Variants in SCN8A observed in about 807,000 individuals in gnomAD.
The protein encoded by SCN8A is sodium channel protein type 8 subunit alpha.
A neutral mutation model predicts 184.1 loss-of-function variants in SCN8A; 30 were observed. The ratio of observed to expected loss-of-function variants is 0.16; its 90% CI spans 0.12 to 0.22. The LOEUF is 0.22. Ranked by LOEUF, SCN8A falls within the 10% of genes least tolerant of loss-of-function variation. The pLI, the probability that SCN8A is intolerant of heterozygous loss-of-function variation, is 1.00. For missense variants in SCN8A, 1,057 were observed against 2,498.9 expected (o/e 0.42, Z 12.30); for synonymous variants, 852 against 907.0 (o/e 0.94, Z 1.09).
intron 1 of SCN8A, among the ~76,000 whole-genome samples, chr12:51,646,460 C>A (rs1202220574): frequency 6.6e-6 from 1 of 152,110 alleles, no homozygotes; most frequent in Non-Finnish European, 1.5e-5. Context: ...ATGGATGGTG[C>A]CAATGACAGT....
At chr12:51,799,047 C>A (rs1197402014) in intron 26 of SCN8A, among the ~76,000 whole-genome samples, 1 of 152,232 alleles carries the variant, frequency 6.6e-6, no homozygotes, top group Non-Finnish European at 1.5e-5. Flanking sequence ...GGCTATAGTG[C>A]TGCAGCTGTC....
intron 1 of SCN8A, among the ~76,000 whole-genome samples, chr12:51,635,148 G>A (rs184597781): frequency 7.2e-5 from 11 of 152,262 alleles, no homozygotes; most frequent in Admixed American, 3.9e-4. Flanking sequence ...GTTATTTTCC[G>A]TTTATCTTAT....
In SCN8A at chr12:51,808,288, A is replaced by AC. The variant is rs1264681663; in HGVS notation, c.*861dup. 2 of 152,644 alleles carry AC rather than the reference A, an allele frequency of 1.3e-5. No homozygotes were observed. Among genetic ancestry groups the AC allele is most frequent in the African/African-American group, 4.8e-5 (2 of 41,436 alleles). 9.5% of individuals were successfully genotyped at this position (152,644 alleles called of 1,614,324 possible). On this transcript the variant is annotated 3_prime_UTR_variant, in exon 27 of 27. Coordinates refer to ENST00000627620, the MANE Select transcript of SCN8A (RefSeq NM_001330260.2). ...CATACACCTTCTGGGTAGGGAAACA[A>AC]CCAACTAATTGACTAACACCACCAA...
chr12:51,704,039 T>G (rs1419297602), intron 9 of SCN8A, among the ~76,000 whole-genome samples: 1 of 151,940 alleles, frequency 6.6e-6, no homozygotes, highest in Non-Finnish European at 1.5e-5. Flanking sequence ...ATTACAGGCA[T>G]GACGCACGCA....
At chr12:51,638,511 G>A (rs962843007) in intron 1 of SCN8A, among the ~76,000 whole-genome samples, 3 of 148,620 alleles carry the variant, frequency 2.0e-5, no homozygotes, top group South Asian at 2.1e-4. Flanking sequence ...TTTTTGAGAC[G>A]GAGTCTCGCT....
At chr12:51,773,804 A>T (rs1453241082) in intron 19 of SCN8A, among the ~76,000 whole-genome samples, 1 of 152,108 alleles carries the variant, frequency 6.6e-6, no homozygotes, top group African/African-American at 2.4e-5. Flanking sequence ...ACTATTACTC[A>T]GCCGTAAGAA....
rs1429118069 is a variant in SCN8A at position 51,769,032 on chromosome 12, T to C, written c.3069T>C (p.Phe1023=). Residue 1023 remains phenylalanine, a synonymous_variant, in exon 17 of 27, where the codon TTT becomes TTC. Coordinates refer to ENST00000627620, the MANE Select transcript of SCN8A (RefSeq NM_001330260.2). ...TGCACGCCTTCATGCAGGCCCACTT[T>C]AAGCAGCGTGAGGCTGATGAGGTGA... ...LKVHAFMQAH[F]KQREADEVKP... 2 of 1,613,918 alleles carry C rather than the reference T, an allele frequency of 1.2e-6. No individual in the cohort carries two copies. Among genetic ancestry groups the C allele is most frequent in the African/African-American group, 2.7e-5 (2 of 74,942 alleles).
chr12:51,694,475 A>G (rs1170070014), intron 6 of SCN8A, among the ~76,000 whole-genome samples: 4 of 152,184 alleles, frequency 2.6e-5, no homozygotes, highest in Non-Finnish European at 1.5e-5. Context: ...CGTTCTCTAC[A>G]TTGAATCCAG....
At chr12:51,712,717 C>T (rs2138762752) in intron 11 of SCN8A, 1 of 1,030,046 alleles carries the variant, frequency 9.7e-7, no homozygotes, top group Non-Finnish European at 1.5e-6. Context: ...ACCTTGGTTT[C>T]CATATCCTGG....
chr12:51,663,259 G>T (rs142385478), intron 2 of SCN8A, among the ~76,000 whole-genome samples, 166 bp downstream of exon 2: 90 of 152,216 alleles, frequency 5.9e-4, no homozygotes, highest in African/African-American at 2.0e-3. Context: ...GCTACTAAGG[G>T]TCATTTGTGG....
intron 1 of SCN8A, among the ~76,000 whole-genome samples, chr12:51,601,726 CTT>C (rs60071042): frequency 0.067 from 10,156 of 152,138 alleles, 1,123 homozygotes; most frequent in African/African-American, 0.23. Context: ...TCACCTCGCA[CTT>C]CTCCACAGGC....
intron 14 of SCN8A, among the ~76,000 whole-genome samples, chr12:51,758,709 A>T (rs903786880): frequency 9.2e-5 from 14 of 152,304 alleles, no homozygotes; most frequent in African/African-American, 3.4e-4. Flanking sequence ...AAGTGCTGGG[A>T]TTATAGGCGT....
chr12:51,743,430 A>G (rs1942458329), intron 12 of SCN8A, among the ~76,000 whole-genome samples: 1 of 152,178 alleles, frequency 6.6e-6, no homozygotes, highest in Non-Finnish European at 1.5e-5. Context: ...GATTCATAGA[A>G]ATACCACCTT....
chr12:51,702,580 G>A (rs1941709299), intron 8 of SCN8A, among the ~76,000 whole-genome samples, 193 bp from the exon 9 acceptor site: 1 of 152,138 alleles, frequency 6.6e-6, no homozygotes, highest in African/African-American at 2.4e-5. Flanking sequence ...TCTGACCCTA[G>A]GCTGTCCCCA....
At chr12:51,784,188 TA>T (rs373229539) in intron 21 of SCN8A, among the ~76,000 whole-genome samples, 193 of 152,346 alleles carry the variant, frequency 1.3e-3, no homozygotes, top group African/African-American at 4.3e-3. Context: ...GGAGCACAGT[TA>T]AATAGTTTCT....
intron 12 of SCN8A, among the ~76,000 whole-genome samples, chr12:51,730,497 T>C (rs907500698): frequency 2.6e-5 from 4 of 152,342 alleles, no homozygotes; most frequent in Non-Finnish European, 5.9e-5. Context: ...GATTATTAAA[T>C]AGCATCTCTA....
chr12:51,702,321 C>CAAA (rs747855764), intron 8 of SCN8A, among the ~76,000 whole-genome samples: 27 of 76,476 alleles, frequency 3.5e-4, no homozygotes, highest in African/African-American at 6.2e-4. Flanking sequence ...GACTCTGTAT[C>CAAA]AAAAAAAAAA....
chr12:51,668,201 TTATA>T (rs1941070148), intron 2 of SCN8A, among the ~76,000 whole-genome samples: 1 of 138,824 alleles, frequency 7.2e-6, no homozygotes, highest in Non-Finnish European at 1.6e-5. Flanking sequence ...AAAAAAAAAA[TTATA>T]TATAGCTTCC....
chr12:51,783,459 A>G (rs1305182706), intron 21 of SCN8A, among the ~76,000 whole-genome samples: 1 of 152,186 alleles, frequency 6.6e-6, no homozygotes, highest in African/African-American at 2.4e-5. Flanking sequence ...ACAGACTCAG[A>G]GCTTCGCTTG....
Sources: gnomAD v4.1 joint callset for allele counts (sites outside exome capture counted in the v4.1 genomes callset) on GRCh38, gnomAD v4.1.1 for gene constraint, MANE v1.5 for transcripts, NCBI Gene and HGNC (gene_info 2026-07-23, HGNC 2026-07-21) for gene names.